The following ZNF804B variants were observed in gnomAD, a reference collection of about 807,000 sequenced individuals.
ZNF804B encodes the protein zinc finger protein 804B.
Under a neutral mutation model 101.4 loss-of-function variants are expected in ZNF804B, and 80 were observed. That is an observed-to-expected ratio of 0.79 (90% CI 0.66 to 0.95). The LOEUF (loss-of-function observed/expected upper bound fraction) is 0.95. Ranked by LOEUF, ZNF804B falls within the 40% of genes least tolerant of loss-of-function variation. ZNF804B has a pLI of 0.00. For missense variants in ZNF804B, 1,673 were observed against 1,561.9 expected (o/e 1.07, Z -1.20); for synonymous variants, 622 against 558.8 (o/e 1.11, Z -1.59).
At chr7:89,119,562 A>G (rs1342595908) in intron 1 of ZNF804B, among the ~76,000 whole-genome samples, 12 of 152,204 alleles carry the variant, frequency 7.9e-5, no homozygotes, top group Admixed American at 7.9e-4. Context: ...TATTCACCCA[A>G]GGACTCTTGC....
chr7:89,165,079 G>A (rs1300142956), intron 1 of ZNF804B, among the ~76,000 whole-genome samples: 4 of 151,980 alleles, frequency 2.6e-5, no homozygotes, highest in African/African-American at 9.7e-5. Flanking sequence ...TAGAACTTTC[G>A]GGATTCAAAT....
intron 1 of ZNF804B, among the ~76,000 whole-genome samples, chr7:89,088,377 A>C (rs1415225521): frequency 2.0e-5 from 3 of 151,986 alleles, no homozygotes; most frequent in Non-Finnish European, 4.4e-5. Context: ...AACCCTTAAA[A>C]AGTCTAGAAT....
chr7:89,071,145 C>T (rs1435608837), intron 1 of ZNF804B, among the ~76,000 whole-genome samples: 1 of 151,940 alleles, frequency 6.6e-6, no homozygotes, highest in Non-Finnish European at 1.5e-5. Flanking sequence ...GGAGTATTGA[C>T]AAGAAAAAAC....
At chr7:89,110,995 A>G (rs540668556) in intron 1 of ZNF804B, among the ~76,000 whole-genome samples, 2 of 152,118 alleles carry the variant, frequency 1.3e-5, no homozygotes, top group Non-Finnish European at 2.9e-5. Context: ...TACAGCTTTT[A>G]CAGATGGCCT....
chr7:88,931,578 T>C lies in ZNF804B; in HGVS notation c.108+171494T>C, dbSNP rs545871554. On this transcript the variant is annotated intron_variant, in intron 1 of 3. Transcript: ENST00000333190. ...AAACTGATAAGGGATAATGGACATA[T>C]CTCCTTAGTGTAATCTGGCATAAAC... Among the ~76,000 whole-genome samples, 6 of 152,042 alleles carry C rather than the reference T, an allele frequency of 3.9e-5. No homozygotes were observed. In the East Asian group the frequency reaches 9.7e-4, roughly 24 times the overall value.
chr7:88,849,334 A>G (rs1301722226), intron 1 of ZNF804B, among the ~76,000 whole-genome samples: 2 of 152,022 alleles, frequency 1.3e-5, no homozygotes, highest in African/African-American at 4.8e-5. Flanking sequence ...GGTCTTATCT[A>G]TTTAAAATAA....
intron 2 of ZNF804B, among the ~76,000 whole-genome samples, chr7:89,271,622 T>A (rs992095121): frequency 1.3e-5 from 2 of 152,194 alleles, no homozygotes; most frequent in African/African-American, 4.8e-5. Flanking sequence ...TCCTATTGAT[T>A]GGAATAGTTT....
At chr7:88,765,255 T>C (rs537150983) in intron 1 of ZNF804B, among the ~76,000 whole-genome samples, 1 of 152,138 alleles carries the variant, frequency 6.6e-6, no homozygotes, top group Non-Finnish European at 1.5e-5. Context: ...GAACTCTCTG[T>C]TTTAGGTTTC....
chr7:89,325,734 A>G (rs1790886679), intron 2 of ZNF804B, among the ~76,000 whole-genome samples: 1 of 151,926 alleles, frequency 6.6e-6, no homozygotes, highest in African/African-American at 2.4e-5. Flanking sequence ...TGTGCTGGTA[A>G]TACCTAATAT....
chr7:88,957,847 A>T (rs910936764), intron 1 of ZNF804B, among the ~76,000 whole-genome samples: 1 of 151,376 alleles, frequency 6.6e-6, no homozygotes, highest in South Asian at 2.1e-4. Flanking sequence ...GTAAAAGAAG[A>T]TGATAATTGA....
intron 1 of ZNF804B, among the ~76,000 whole-genome samples, chr7:88,940,146 C>G (rs1793035853): frequency 6.6e-6 from 1 of 151,748 alleles, no homozygotes; most frequent in Non-Finnish European, 1.5e-5. Context: ...ATACTCAGAT[C>G]TAAATGTAAT....
chr7:89,334,555 A>C lies in ZNF804B; in HGVS notation c.1573A>C (p.Lys525Gln), dbSNP rs368663943. 6.8e-6 allele frequency: 11 copies of C among 1,613,570 alleles called. No homozygotes were observed. The African/African-American group carries it at 1.2e-4, about 18-fold the overall frequency. Residue 525 changes from lysine (K) to glutamine (Q), a missense_variant, in exon 4 of 4, where the codon AAA (lysine) becomes CAA (glutamine). Transcript: ENST00000333190. ...CTCAGGTTTAACTGAAGACCAACAAAAATTGATCCAAGAAGATTATCAATA... is the reference window on the plus strand; with the variant it reads ...CTCAGGTTTAACTGAAGACCAACAACAATTGATCCAAGAAGATTATCAATA... ...QVSGLTEDQQ[K>Q]LIQEDYQYPK...
At chr7:89,123,619 A>G (rs1790436053) in intron 1 of ZNF804B, among the ~76,000 whole-genome samples, 1 of 152,216 alleles carries the variant, frequency 6.6e-6, no homozygotes, top group African/African-American at 2.4e-5. Context: ...TAAAATAATT[A>G]TGATGATAAT....
intron 1 of ZNF804B, among the ~76,000 whole-genome samples, chr7:88,908,045 A>C (rs981549333): frequency 6.6e-6 from 1 of 151,856 alleles, no homozygotes; most frequent in Non-Finnish European, 1.5e-5. Context: ...AACATTTACC[A>C]AATGCACTCT....
intron 1 of ZNF804B, among the ~76,000 whole-genome samples, chr7:89,209,809 G>C (rs1788775272): frequency 6.6e-6 from 1 of 152,052 alleles, no homozygotes; most frequent in Non-Finnish European, 1.5e-5. Flanking sequence ...TAAGTAATAA[G>C]TACCATGTTA....
intron 1 of ZNF804B, among the ~76,000 whole-genome samples, chr7:89,198,953 C>T (rs1223262918): frequency 6.6e-6 from 1 of 151,784 alleles, no homozygotes; most frequent in Non-Finnish European, 1.5e-5. Flanking sequence ...AATATGGAGC[C>T]ATAAGGAGTT....
intron 1 of ZNF804B, among the ~76,000 whole-genome samples, chr7:88,847,089 A>G (rs1791383710): frequency 6.6e-6 from 1 of 152,028 alleles, no homozygotes; most frequent in South Asian, 2.1e-4. Flanking sequence ...TGGTATCTGG[A>G]ATACTTGAAG....
chr7:89,040,203 T>TCTTATTTACTTATATCTCATAAATCC (rs1788994536), intron 1 of ZNF804B, among the ~76,000 whole-genome samples: 1 of 152,082 alleles, frequency 6.6e-6, no homozygotes, highest in African/African-American at 2.4e-5. Context: ...CTCATAAATC[T>TCTTATTTACTTATATCTCATAAATCC]CTTATTTATT....
intron 1 of ZNF804B, among the ~76,000 whole-genome samples, chr7:88,981,721 G>T (rs1257784629): frequency 6.6e-6 from 1 of 151,958 alleles, no homozygotes; most frequent in Non-Finnish European, 1.5e-5. Flanking sequence ...CTCCATGGAC[G>T]CCACCTGAAT....
Sources: allele counts gnomAD v4.1 joint callset (sites outside exome capture counted in the v4.1 genomes callset), GRCh38; gene constraint gnomAD v4.1.1; transcripts MANE v1.5; gene names NCBI Gene and HGNC (gene_info 2026-07-23, HGNC 2026-07-21).